Variants in FMN1 observed in about 807,000 individuals in gnomAD.
The protein encoded by FMN1 is formin-1.
FMN1 carries 110 observed loss-of-function variants against 132.4 expected under a neutral mutation model. That is an observed-to-expected ratio of 0.83 (90% CI 0.71 to 0.97). FMN1 has a LOEUF of 0.97. FMN1 is among the 50% of genes least tolerant of loss of function. The pLI is 0.00. For synonymous variants in FMN1, 722 were observed against 651.7 expected (o/e 1.11, Z -1.64); for missense variants, 1,792 against 1,705.3 (o/e 1.05, Z -0.90).
At chr15:32,981,564 T>TATTACA (rs1182250853) in intron 7 of FMN1, among the ~76,000 whole-genome samples, 153 of 148,052 alleles carry the variant, frequency 1.0e-3, no homozygotes, top group African/African-American at 3.7e-3. Flanking sequence ...TTATTATTAT[T>TATTACA]ACATTCTGTG....
intron 4 of FMN1, among the ~76,000 whole-genome samples, chr15:33,090,462 T>C (rs934911704): frequency 6.6e-6 from 1 of 152,188 alleles, no homozygotes; most frequent in Non-Finnish European, 1.5e-5. Flanking sequence ...TTCAGAATGA[T>C]GCAGGTCACA....
At chr15:33,123,740 ATTTGGCCT>A (rs894435082) in intron 4 of FMN1, among the ~76,000 whole-genome samples, 2 of 152,278 alleles carry the variant, frequency 1.3e-5, no homozygotes, top group Admixed American at 6.5e-5. Flanking sequence ...TGCTTCCTCC[ATTTGGCCT>A]TTTGGCTCCA....
chr15:33,060,985 T>C (rs2037455978), intron 6 of FMN1, among the ~76,000 whole-genome samples: 2 of 152,146 alleles, frequency 1.3e-5, no homozygotes, highest in African/African-American at 4.8e-5. Flanking sequence ...TAATACAACA[T>C]AGGAGATGGA....
chr15:32,861,169 G>A (rs760120908), intron 16 of FMN1, among the ~76,000 whole-genome samples: 15 of 152,092 alleles, frequency 9.9e-5, no homozygotes, highest in Non-Finnish European at 1.8e-4. Context: ...TTTCATGAAC[G>A]TAGTATAAAA....
intron 9 of FMN1, among the ~76,000 whole-genome samples, chr15:32,928,329 A>T (rs574515738): frequency 2.2e-4 from 34 of 152,288 alleles, no homozygotes; most frequent in African/African-American, 8.2e-4. Context: ...GAAAAGCAAA[A>T]AAAAAAGGCA....
chr15:32,967,532 T>C (rs569804914), intron 8 of FMN1, among the ~76,000 whole-genome samples: 2 of 152,340 alleles, frequency 1.3e-5, no homozygotes, highest in South Asian at 4.1e-4. Flanking sequence ...AAGGGAATAC[T>C]AGTACTTTAG....
chr15:33,027,840 A>G (rs899127068), intron 6 of FMN1, among the ~76,000 whole-genome samples: 4 of 152,236 alleles, frequency 2.6e-5, no homozygotes, highest in East Asian at 1.9e-4. Flanking sequence ...GAGCATATGA[A>G]GAAAAGCACA....
chr15:32,986,890 G>T (rs1368119511), intron 7 of FMN1, among the ~76,000 whole-genome samples: 1 of 151,998 alleles, frequency 6.6e-6, no homozygotes, highest in East Asian at 1.9e-4. Context: ...CGTATTTCAG[G>T]TTTTCTCTAG....
At chr15:33,178,216 A>G (rs910159451) in intron 3 of FMN1, among the ~76,000 whole-genome samples, 1 of 152,228 alleles carries the variant, frequency 6.6e-6, no homozygotes, top group Admixed American at 6.5e-5. Flanking sequence ...ATTCACTGTT[A>G]GCTTAAATGA....
intron 4 of FMN1, among the ~76,000 whole-genome samples, chr15:33,104,083 T>C (rs1182071550): frequency 6.6e-6 from 1 of 152,130 alleles, no homozygotes; most frequent in Non-Finnish European, 1.5e-5. Flanking sequence ...GAGTTCATCA[T>C]ATATTTGTCA....
intron 4 of FMN1, among the ~76,000 whole-genome samples, chr15:33,139,842 T>C (rs1963933378): frequency 6.6e-6 from 1 of 152,152 alleles, no homozygotes; most frequent in Non-Finnish European, 1.5e-5. Flanking sequence ...TTTTCATCTT[T>C]ACTATTTAAT....
intron 4 of FMN1, among the ~76,000 whole-genome samples, chr15:33,107,963 T>C (rs1389767460): frequency 1.3e-5 from 2 of 152,138 alleles, no homozygotes; most frequent in East Asian, 3.9e-4. Flanking sequence ...GCAGATCTTC[T>C]ATCATGAAAA....
intron 17 of FMN1, among the ~76,000 whole-genome samples, chr15:32,855,142 G>T (rs1219222252): frequency 1.6e-5 from 2 of 128,566 alleles, no homozygotes; most frequent in African/African-American, 6.2e-5. Context: ...TTCCACACTG[G>T]AATTACGTGG....
chr15:32,887,656 G>A (rs2059927605), intron 16 of FMN1, among the ~76,000 whole-genome samples: 1 of 152,128 alleles, frequency 6.6e-6, no homozygotes, highest in African/African-American at 2.4e-5. Context: ...TAAAGCAGCA[G>A]AGTAAACTAG....
At chr15:33,000,170 C>A (rs2034010201) in intron 7 of FMN1, among the ~76,000 whole-genome samples, 1 of 152,190 alleles carries the variant, frequency 6.6e-6, no homozygotes, top group Non-Finnish European at 1.5e-5. Flanking sequence ...GAGGCAGTGG[C>A]TGGACGTGAT....
chr15:32,801,353 T>C (rs1461323852), intron 18 of FMN1, among the ~76,000 whole-genome samples: 1 of 152,204 alleles, frequency 6.6e-6, no homozygotes, highest in Non-Finnish European at 1.5e-5. Context: ...TTTTCTTATG[T>C]GTTTTGGAAA....
chr15:32,777,688 G>A (rs907930150), intron 19 of FMN1, among the ~76,000 whole-genome samples: 6 of 137,312 alleles, frequency 4.4e-5, no homozygotes, highest in South Asian at 2.3e-4. Context: ...TATATATTAC[G>A]TATAACATAT....
intron 12 of FMN1, among the ~76,000 whole-genome samples, chr15:32,902,951 G>C (rs1245371414): frequency 6.6e-6 from 1 of 152,118 alleles, no homozygotes; most frequent in African/African-American, 2.4e-5. Flanking sequence ...TGAAAGTCTT[G>C]GTCAACTCAT....
intron 6 of FMN1, among the ~76,000 whole-genome samples, chr15:33,019,235 C>G (rs1010617527): frequency 2.6e-5 from 4 of 152,140 alleles, no homozygotes; most frequent in Non-Finnish European, 4.4e-5. Context: ...TCCACCTCCC[C>G]ACTAGATTAG....
Sources: gnomAD v4.1 joint callset for allele counts (sites outside exome capture counted in the v4.1 genomes callset) on GRCh38, gnomAD v4.1.1 for gene constraint, MANE v1.5 for transcripts, NCBI Gene and HGNC (gene_info 2026-07-23, HGNC 2026-07-21) for gene names.